The following RTEL1 variants were observed in gnomAD, a reference collection of about 807,000 sequenced individuals.
The protein encoded by RTEL1 is regulator of telomere length.
Under a neutral mutation model 162.2 loss-of-function variants are expected in RTEL1, and 86 were observed. That is an observed-to-expected ratio of 0.53 (90% CI 0.45 to 0.63). RTEL1 has a LOEUF of 0.63. RTEL1 is among the 30% of genes least tolerant of loss of function. The pLI is 0.00. For synonymous variants in RTEL1, 958 were observed against 717.9 expected, an observed-to-expected ratio of 1.33 and a Z score of -5.35; for missense variants, 1,941 against 1,750.2, an observed-to-expected ratio of 1.11 and a Z score of -1.95.
intron 14 of RTEL1, 39 bp downstream of exon 14, chr20:63,680,758 G>A: frequency 1.9e-6 from 3 of 1,612,126 alleles, no homozygotes; most frequent in Non-Finnish European, 2.5e-6. Context: ...TTCCCTGATG[G>A]AAGCCGGGCG....
chr20:63,688,908 C>T lies in RTEL1; in HGVS notation c.1801-147C>T, dbSNP rs111819923. On this transcript the variant is annotated intron_variant, in intron 21 of 34. Transcript: ENST00000360203. Reference sequence around the variant, plus strand: ...GCAGGCGTGGGGTCAGCCTGGGATCCGTGCCAGGAAGAAGCTTCCAGAACC... The same window carrying T: ...GCAGGCGTGGGGTCAGCCTGGGATCTGTGCCAGGAAGAAGCTTCCAGAACC... The T allele has an allele frequency of 1.6e-3, 1,217 of 767,106 alleles. 8 individuals carry two copies. In the African/African-American group the frequency reaches 0.019, roughly 12 times the overall value. 47.5% of individuals were successfully genotyped at this position (767,106 alleles called of 1,614,324 possible). A position where few individuals can be genotyped will look rare whatever the true frequency, so the allele number is the denominator to read the frequency against.
At chr20:63,676,194 C>T (rs2090346176) in intron 10 of RTEL1, among the ~76,000 whole-genome samples, 1 of 152,098 alleles carries the variant, frequency 6.6e-6, no homozygotes, top group Non-Finnish European at 1.5e-5. Context: ...AAGTGATCCT[C>T]CTGCCTCGGC....
At chr20:63,677,733 G>A (rs530321136) in intron 10 of RTEL1, among the ~76,000 whole-genome samples, 2 of 151,094 alleles carry the variant, frequency 1.3e-5, no homozygotes, top group East Asian at 1.9e-4. Flanking sequence ...GATTCTGTGT[G>A]GCCTCTTCCT....
chr20:63,667,999 G>A (rs1348120074), intron 8 of RTEL1, among the ~76,000 whole-genome samples: 2 of 136,752 alleles, frequency 1.5e-5, no homozygotes, highest in African/African-American at 2.8e-5. Context: ...GTGCATGCCC[G>A]GCCCCACACT....
At chr20:63,693,558 ACCTCCACCACCT>A (rs2090861031) in intron 30 of RTEL1, among the ~76,000 whole-genome samples, 18 of 95,916 alleles carry the variant, frequency 1.9e-4, no homozygotes, top group East Asian at 5.5e-4. Flanking sequence ...CACCACCTCC[ACCTCCACCACCT>A]CCACCTCCAC....
chr20:63,666,996 C>T lies in RTEL1; in HGVS notation c.615-473C>T, dbSNP rs374646833. On this transcript the variant is annotated intron_variant, in intron 7 of 34. Transcript: ENST00000360203. ...CTGGGACTACAGGTGCCCGCCACCA[C>T]GTCTGGCTAATTTTCTGTATTTTTA... Among the ~76,000 whole-genome samples, 1,484 of 152,106 alleles carry T rather than the reference C, an allele frequency of 9.8e-3. 24 individuals carry two copies. The highest frequency in any genetic ancestry group is 0.033 in the African/African-American group (1,366 of 41,486).
chr20:63,658,315 A>G lies in RTEL1; in HGVS notation c.-322A>G, dbSNP rs1471694642. 6.6e-6 allele frequency: 1 copy of G among 152,392 alleles called. No homozygotes were observed. Among genetic ancestry groups the G allele is most frequent in the Non-Finnish European group, 1.5e-5 (1 of 68,084 alleles). The allele number at this position is 152,392 out of a possible 1,614,324, so 9.4% of individuals were successfully genotyped here. The stretch of plus-strand genomic sequence containing the variant: ...CAACGGACCGGAAGTGGGGGGCGGA[A>G]GTGCAGTGGGCTCAGCGCCGACTGC... On this transcript the variant is annotated 5_prime_UTR_variant, in exon 1 of 35. Transcript: ENST00000360203.
At position 63,668,171 on chromosome 20, in the gene RTEL1, C is replaced by T. The variant is rs1197526090; in HGVS notation, c.699+618C>T. On this transcript the variant is annotated intron_variant, in intron 8 of 34. Transcript: ENST00000360203. The surrounding 1 kb of genome is among the most constrained non-coding windows in gnomAD (Gnocchi z 4.3). ...AACTCCCCTCCTCCCAGTGTGTGCC[C>T]GGCCCTGCTGCCCTCCTCCCCATGT... is the stretch of plus-strand genomic sequence containing the variant. Among the ~76,000 whole-genome samples the T allele has an allele frequency of 7.2e-5, 11 of 152,276 alleles. No homozygotes were observed. The highest frequency in any genetic ancestry group is 3.9e-4 in the East Asian group (2 of 5,186).
At chr20:63,676,082 C>T (rs1601125398) in intron 10 of RTEL1, among the ~76,000 whole-genome samples, 2 of 151,980 alleles carry the variant, frequency 1.3e-5, no homozygotes, top group African/African-American at 4.8e-5. Flanking sequence ...TCCCCCACCC[C>T]TTTGGAGATG....
chr20:63,691,002 C>A, intron 27 of RTEL1, 55 bp downstream of exon 27: 1 of 1,484,768 alleles, frequency 6.7e-7, no homozygotes, highest in Non-Finnish European at 9.0e-7. Flanking sequence ...TGAGGCCAAC[C>A]CGACCCCGCC....
chr20:63,690,103 G>T lies in RTEL1; in HGVS notation c.2158G>T (p.Ala720Ser), dbSNP rs755928414. ...LCDHRFAFADARAQLPSWVRP... is the reference protein window; with the variant it reads ...LCDHRFAFADSRAQLPSWVRP... ...ACCCCCCAGGTTCGCCTTTGCCGACGCAAGAGCCCAACTGCCCTCCTGGGT... is the reference window on the plus strand; with the variant it reads ...ACCCCCCAGGTTCGCCTTTGCCGACTCAAGAGCCCAACTGCCCTCCTGGGT... The change falls in exon 25 of 35, where the codon GCA (alanine) becomes TCA (serine). Residue 720 changes from alanine (A) to serine (S), a missense_variant. By Grantham distance (99) the Ala-to-Ser change is moderately conservative. Transcript: ENST00000360203. 1.9e-6 allele frequency: 3 copies of T among 1,611,700 alleles called. No individual in the cohort carries two copies. The highest frequency in any genetic ancestry group is 2.5e-6 in the Non-Finnish European group (3 of 1,179,748).
intron 7 of RTEL1, among the ~76,000 whole-genome samples, chr20:63,666,310 C>T (rs112129034): frequency 2.6e-5 from 4 of 152,350 alleles, no homozygotes; most frequent in East Asian, 3.9e-4. Context: ...GGAGTGTGGA[C>T]GGAGCCCTGC....
At position 63,694,939 on chromosome 20, in the gene RTEL1, C is replaced by A; in HGVS notation, c.3308C>A (p.Thr1103Asn). ...GTGCTGGCTGTGTTGGCCGCCCTGACCACTGCAAAGCCAGAGGACTTCCCC... is the reference window on the plus strand; with the variant it reads ...GTGCTGGCTGTGTTGGCCGCCCTGAACACTGCAAAGCCAGAGGACTTCCCC... ...DKVLAVLAALTTAKPEDFPLL... is the reference protein window; with the variant it reads ...DKVLAVLAALNTAKPEDFPLL... Residue 1103 changes from threonine to asparagine, a missense_variant, in exon 32 of 35, where the codon ACC becomes AAC. Thr to Asn is a moderately conservative substitution (Grantham distance 65). Transcript: ENST00000360203. The A allele has an allele frequency of 6.2e-7, 1 of 1,612,620 alleles. No individual in the cohort carries two copies. Among genetic ancestry groups the A allele is most frequent in the Non-Finnish European group, 8.5e-7 (1 of 1,179,884 alleles).
chr20:63,681,268 C>G, intron 14 of RTEL1: 1 of 985,436 alleles, frequency 1.0e-6, no homozygotes, highest in Non-Finnish European at 1.2e-6. Flanking sequence ...ATGGCAGCAC[C>G]TGCTTTCCCT....
At position 63,687,865 on chromosome 20, in the gene RTEL1, G is replaced by C. The variant is rs898177233; in HGVS notation, c.1482-72G>C. The C allele has an allele frequency of 1.9e-6, 3 of 1,577,998 alleles. No individual in the cohort carries two copies. In the African/African-American group the frequency reaches 4.0e-5, roughly 21 times the overall value. ...GGGTCCCCATGAGCCGGGTGCTGGGGGTCTCGGGCCTCGAGGGCTAAAGGG... is the reference window on the plus strand; with the variant it reads ...GGGTCCCCATGAGCCGGGTGCTGGGCGTCTCGGGCCTCGAGGGCTAAAGGG... On this transcript the variant is annotated intron_variant, in intron 17 of 34. Coordinates refer to ENST00000360203, the MANE Select transcript of RTEL1 (RefSeq NM_001283009.2).
At chr20:63,690,474 G>T in intron 26 of RTEL1, 33 bp downstream of exon 26, 1 of 1,525,626 alleles carries the variant, frequency 6.6e-7, no homozygotes, top group Non-Finnish European at 8.8e-7. Flanking sequence ...GGGCGGTGTG[G>T]GGGTGGCGGA....
intron 14 of RTEL1, among the ~76,000 whole-genome samples, chr20:63,685,263 G>T (rs1302869567): frequency 1.3e-5 from 2 of 152,144 alleles, no homozygotes; most frequent in Non-Finnish European, 2.9e-5. Flanking sequence ...GGGAGGAGAG[G>T]CCCCTCGGGC....
chr20:63,694,795 A>G lies in RTEL1; in HGVS notation c.3164A>G (p.Gln1055Arg). 1 of 1,612,194 alleles carries G rather than the reference A, an allele frequency of 6.2e-7. No individual in the cohort carries two copies. The highest frequency in any genetic ancestry group is 1.1e-5 in the South Asian group (1 of 91,056). ...TCTGGAGTGCCCAGAGCAGGGAAGC[A>G]GGGCCAGCACGCCGTGAGCGCCTAC... is the stretch of plus-strand genomic sequence containing the variant. ...WGSGVPRAGK[Q>R]GQHAVSAYLA... Residue 1055 changes from glutamine to arginine, a missense_variant, in exon 32 of 35, where the codon CAG becomes CGG. Transcript: ENST00000360203.
At position 63,667,443 on chromosome 20, in the gene RTEL1, A is replaced by G. The variant is rs768407518; in HGVS notation, c.615-26A>G. ...ACCGTCCCCTGCATGGGGTGCTCAC[A>G]GGATCTTCTCCTCTCTCCTTCCCAG... On this transcript the variant is annotated intron_variant, in intron 7 of 34. Transcript: ENST00000360203. 15 of 1,590,820 alleles carry G rather than the reference A, an allele frequency of 9.4e-6. No homozygotes were observed. In the East Asian group the frequency reaches 3.1e-4, roughly 33 times the overall value.
Sources: allele counts gnomAD v4.1 joint callset (sites outside exome capture counted in the v4.1 genomes callset), GRCh38; gene constraint gnomAD v4.1.1; non-coding constraint Gnocchi (gnomAD v3.1); transcripts MANE v1.5; gene names NCBI Gene and HGNC (gene_info 2026-07-23, HGNC 2026-07-21).